Variants in COL4A3 observed in about 807,000 individuals in gnomAD.
The protein encoded by COL4A3 is collagen alpha-3(IV) chain.
In COL4A3, 135 loss-of-function variants were observed where a neutral mutation model predicts 217.4. That is an observed-to-expected ratio of 0.62 (90% CI 0.54 to 0.72). The LOEUF (loss-of-function observed/expected upper bound fraction) is 0.72. Ranked by LOEUF, COL4A3 falls within the 30% of genes least tolerant of loss-of-function variation. The pLI is 0.00. For missense variants in COL4A3, 1,868 were observed against 2,119.9 expected (o/e 0.88, Z 2.33); for synonymous variants, 690 against 736.3 (o/e 0.94, Z 1.02).
rs559171334 is a variant in COL4A3, at chr2:227,223,904, C to T, written c.88-14064C>T. 2.6e-5 allele frequency among the ~76,000 whole-genome samples: 4 copies of T among 152,294 alleles called. No homozygotes were observed. In the South Asian group the frequency reaches 8.3e-4, roughly 32 times the overall value. ...TGTGGGGAGAAGATGTTTTGCATAG[C>T]AGTGAGCAACTAAGCCAGGAATGAA... On this transcript the variant is annotated intron_variant, in intron 1 of 51. Transcript: ENST00000396578.
intron 1 of COL4A3, among the ~76,000 whole-genome samples, chr2:227,190,837 G>A (rs2066210098): frequency 1.3e-5 from 2 of 152,132 alleles, no homozygotes; most frequent in African/African-American, 4.8e-5. Flanking sequence ...ACACCAAGAG[G>A]TGAAGGTTTC....
intron 29 of COL4A3, 68 bp downstream of exon 29, chr2:227,279,958 C>T (rs2071849088): frequency 1.0e-6 from 1 of 987,144 alleles, no homozygotes; most frequent in Non-Finnish European, 1.6e-6. Context: ...TTTGTATGCA[C>T]TTATCTGGCA....
chr2:227,290,997 AC>A (rs1226745381), intron 37 of COL4A3, 111 bp downstream of exon 37: 120 of 1,227,686 alleles, frequency 9.8e-5, no homozygotes, highest in Non-Finnish European at 1.3e-4. Context: ...CTGTTACTAT[AC>A]TTTCAGACAG....
At chr2:227,252,342 T>C (rs1323671039) in intron 11 of COL4A3, among the ~76,000 whole-genome samples, 8 of 148,556 alleles carry the variant, frequency 5.4e-5, no homozygotes, top group Non-Finnish European at 1.0e-4. Flanking sequence ...GCCTCCCGAC[T>C]AAGTGGAATT....
intron 47 of COL4A3, among the ~76,000 whole-genome samples, chr2:227,306,285 A>C (rs1387489320): frequency 1.3e-5 from 2 of 152,206 alleles, no homozygotes; most frequent in Non-Finnish European, 2.9e-5. Flanking sequence ...AAGGGATCTA[A>C]GAGTCAAACT....
chr2:227,215,328 A>G (rs1449663803), intron 1 of COL4A3, among the ~76,000 whole-genome samples: 2 of 151,620 alleles, frequency 1.3e-5, no homozygotes, highest in Non-Finnish European at 2.9e-5. Flanking sequence ...ATTTCTGTGC[A>G]TATATAGGTT....
intron 1 of COL4A3, among the ~76,000 whole-genome samples, chr2:227,209,257 A>G (rs13420269): frequency 0.076 from 11,599 of 152,216 alleles, 649 homozygotes; most frequent in African/African-American, 0.15. Context: ...CTGGTTCTAG[A>G]TGGTCCAATT....
intron 1 of COL4A3, among the ~76,000 whole-genome samples, chr2:227,184,033 T>C (rs1275523094): frequency 2.6e-5 from 4 of 152,202 alleles, no homozygotes; most frequent in Non-Finnish European, 4.4e-5. Context: ...AAATTCCTTT[T>C]TGATCATTGC....
chr2:227,236,074 T>A (rs959093544), intron 1 of COL4A3, among the ~76,000 whole-genome samples: 3 of 152,166 alleles, frequency 2.0e-5, no homozygotes, highest in Non-Finnish European at 4.4e-5. Flanking sequence ...GTGCCCAGCC[T>A]ATTTCATTCC....
rs1209681054 is a variant in COL4A3 at position 227,280,042 on chromosome 2, G to T, written c.2223+152G>T. The T allele has an allele frequency of 4.8e-6, 3 of 622,692 alleles. No individual in the cohort carries two copies. In the South Asian group the frequency reaches 6.6e-5, roughly 14 times the overall value. The allele number at this position is 622,692 out of a possible 1,614,324, so 38.6% of individuals were successfully genotyped here. ...TATTAAATTTTTTAAATGTTTCTCTGGATCATCTTCCATTTTAGAAAGGAA... is the reference window on the plus strand; with the variant it reads ...TATTAAATTTTTTAAATGTTTCTCTTGATCATCTTCCATTTTAGAAAGGAA... On this transcript the variant is annotated intron_variant, in intron 29 of 51. Coordinates refer to ENST00000396578, the MANE Select transcript of COL4A3 (RefSeq NM_000091.5).
intron 1 of COL4A3, among the ~76,000 whole-genome samples, chr2:227,208,350 G>A (rs1289783549): frequency 6.6e-6 from 1 of 152,070 alleles, no homozygotes; most frequent in Admixed American, 6.6e-5. Flanking sequence ...TCCCCAAATT[G>A]CTCCTGGGGG....
Position 227,244,995 on chromosome 2 carries a change from A to G in COL4A3, c.324A>G (p.Pro108=). The change falls in exon 5 of 52, where the codon CCA becomes CCG. Residue 108 remains proline (P), a splice_region_variant and synonymous_variant. Coordinates refer to ENST00000396578, the MANE Select transcript of COL4A3 (RefSeq NM_000091.5). ...GATTTTCTGGTTCTCCTGGACTTCC[A>G]GTAAGTAATGGGAAAAATCCGTAGC... is the stretch of plus-strand genomic sequence containing the variant. ...LPGFSGSPGL[P]GTPGNTGPYG... 1 of 1,612,926 alleles carries G rather than the reference A, an allele frequency of 6.2e-7. No individual in the cohort carries two copies. Among genetic ancestry groups the G allele is most frequent in the Non-Finnish European group, 8.5e-7 (1 of 1,179,202 alleles).
chr2:227,246,385 CCA>C, intron 6 of COL4A3: 1 of 511,862 alleles, frequency 2.0e-6, no homozygotes, highest in Non-Finnish European at 3.5e-6. Flanking sequence ...CTCCTTTTCT[CCA>C]GAATGGTGGC....
chr2:227,204,107 G>A (rs866139585), intron 1 of COL4A3, among the ~76,000 whole-genome samples: 11 of 152,170 alleles, frequency 7.2e-5, no homozygotes, highest in South Asian at 6.2e-4. Flanking sequence ...TTAATAATTC[G>A]TAGTAGACCT....
intron 1 of COL4A3, among the ~76,000 whole-genome samples, chr2:227,202,281 C>A (rs2125739975): frequency 6.6e-6 from 1 of 152,258 alleles, no homozygotes; most frequent in East Asian, 1.9e-4. Flanking sequence ...TTCCTTGTGG[C>A]TGTCCCCATG....
chr2:227,285,161 C>A (rs1043085713), intron 34 of COL4A3, among the ~76,000 whole-genome samples: 2 of 150,450 alleles, frequency 1.3e-5, no homozygotes, highest in Non-Finnish European at 2.9e-5. Context: ...AGTTGCAAAA[C>A]CATGTTAAGT....
intron 1 of COL4A3, among the ~76,000 whole-genome samples, chr2:227,173,346 C>T (rs986324517): frequency 2.0e-5 from 3 of 152,130 alleles, no homozygotes; most frequent in African/African-American, 4.8e-5. Flanking sequence ...TTTATGGTGA[C>T]GAAATAAGTA....
chr2:227,192,146 A>T (rs1225400049), intron 1 of COL4A3, among the ~76,000 whole-genome samples: 10 of 152,204 alleles, frequency 6.6e-5, no homozygotes, highest in Non-Finnish European at 1.5e-4. Flanking sequence ...TATACCATCC[A>T]GTTGCAAAAC....
chr2:227,225,709 C>CTTTTTTTTTTTTTTTTTTT, intron 1 of COL4A3, among the ~76,000 whole-genome samples: 1 of 126,244 alleles, frequency 7.9e-6, no homozygotes. Context: ...CTTTTTCTTT[C>CTTTTTTTTTTTTTTTTTTT]TTTTTTTTTT....
Sources: allele counts gnomAD v4.1 joint callset (sites outside exome capture counted in the v4.1 genomes callset), GRCh38; gene constraint gnomAD v4.1.1; transcripts MANE v1.5; gene names NCBI Gene and HGNC (gene_info 2026-07-23, HGNC 2026-07-21).